The following RELN variants were observed in gnomAD, a reference collection of about 807,000 sequenced individuals.
RELN encodes the protein reelin.
RELN carries 108 observed loss-of-function variants against 427.6 expected under a neutral mutation model. The observed-to-expected ratio is 0.25, with a 90% CI of 0.22 to 0.30. The LOEUF is 0.30. RELN is among the 10% of genes least tolerant of loss of function. The pLI is 1.00. For missense variants in RELN, 3,715 were observed against 4,302.8 expected (o/e 0.86, Z 3.82); for synonymous variants, 1,524 against 1,513.4 (o/e 1.01, Z -0.16).
chr7:103,852,596 A>T (rs1450550505), intron 2 of RELN, among the ~76,000 whole-genome samples: 1 of 152,116 alleles, frequency 6.6e-6, no homozygotes, highest in Non-Finnish European at 1.5e-5. Context: ...ATTTCTATCT[A>T]TGTCCTTAAT....
At chr7:103,885,640 T>A (rs1794710810) in intron 2 of RELN, among the ~76,000 whole-genome samples, 1 of 152,120 alleles carries the variant, frequency 6.6e-6, no homozygotes, top group Admixed American at 6.6e-5. Context: ...GTAATGTAGA[T>A]GACGGGTTGA....
intron 4 of RELN, among the ~76,000 whole-genome samples, chr7:103,754,934 G>A (rs971307724): frequency 6.6e-6 from 1 of 151,960 alleles, no homozygotes; most frequent in Admixed American, 6.6e-5. Context: ...TGAAGGAGAG[G>A]CCAAAATAAT....
chr7:103,490,861 T>TTGTAAGAGAAACATATAATCTGTTAA, intron 58 of RELN, 32 bp from the exon 59 acceptor site: 1 of 1,612,400 alleles, frequency 6.2e-7, no homozygotes, highest in African/African-American at 1.3e-5. Context: ...GTTAGACAAA[T>TTGTAAGAGAAACATATAATCTGTTAA]TGTAAGAGAA....
chr7:103,888,141 C>A (rs1191493126), intron 2 of RELN, among the ~76,000 whole-genome samples: 1 of 151,974 alleles, frequency 6.6e-6, no homozygotes, highest in Non-Finnish European at 1.5e-5. Flanking sequence ...CAGTCTGTCT[C>A]AAAAATTTAT....
rs558024670 is a variant in RELN, at chr7:103,661,486, G to A, written c.1331C>T (p.Thr444Met). 38 of 1,613,200 alleles carry A rather than the reference G, an allele frequency of 2.4e-5. No homozygotes were observed. Among genetic ancestry groups the A allele is most frequent in the Middle Eastern group, 1.6e-4 (1 of 6,080 alleles). The change falls in exon 12 of 65, where the codon ACG becomes ATG. Residue 444 changes from threonine to methionine, a missense_variant. Thr to Met is a moderately conservative substitution (Grantham distance 81). This residue lies in a region of RELN where 2,208 missense variants were observed against 2,361.7 expected (regional missense o/e 0.93). Coordinates refer to ENST00000428762, the MANE Select transcript of RELN (RefSeq NM_005045.4). ...LGAVIGTECG[T>M]IESGLSMVFL... is the part of the protein sequence containing the mutation. The stretch of plus-strand genomic sequence containing the variant: ...GACCATTGATAAGCCTGATTCTATC[G>A]TTCCACATTCTGTACCAATGACAGC...
At chr7:103,546,002 C>T (rs1830288309) in intron 41 of RELN, among the ~76,000 whole-genome samples, 2 of 152,216 alleles carry the variant, frequency 1.3e-5, no homozygotes, top group African/African-American at 2.4e-5. Flanking sequence ...AAAATTCACA[C>T]AACATAAGAT....
intron 2 of RELN, among the ~76,000 whole-genome samples, chr7:103,851,351 G>A (rs370093608): frequency 5.6e-4 from 86 of 152,216 alleles, no homozygotes; most frequent in African/African-American, 2.0e-3. Context: ...GTGGGAGGAG[G>A]TAAGGGATAA....
At position 103,673,020 on chromosome 7, in the gene RELN, G is replaced by C. The variant is rs372763964; in HGVS notation, c.1289+9096C>G. ...ACTTTCTATTTCTTTGGTTATGTTA[G>C]TTTAAGTCTCTCATAAGGGCAAATA... On this transcript the variant is annotated intron_variant, in intron 11 of 64. Coordinates refer to ENST00000428762, the MANE Select transcript of RELN (RefSeq NM_005045.4). Among the ~76,000 whole-genome samples the C allele has an allele frequency of 2.4e-4, 37 of 152,044 alleles. 1 individual carries two copies. Among genetic ancestry groups the C allele is most frequent in the African/African-American group, 8.4e-4 (35 of 41,486 alleles).
Position 103,682,200 on chromosome 7 carries a change from T to C in RELN, c.1205A>G (p.Asn402Ser), listed in dbSNP as rs771900945. 1.2e-6 allele frequency: 2 copies of C among 1,614,054 alleles called. No homozygotes were observed. Among genetic ancestry groups the C allele is most frequent in the Non-Finnish European group, 1.7e-6 (2 of 1,179,954 alleles). Residue 402 changes from asparagine to serine, a missense_variant, in exon 11 of 65, where the codon AAT becomes AGT. Physicochemically the swap from Asn to Ser is conservative, Grantham distance 46 (BLOSUM62 1). This residue lies in a region of RELN where 2,208 missense variants were observed against 2,361.7 expected (regional missense o/e 0.93). Coordinates refer to ENST00000428762, the MANE Select transcript of RELN (RefSeq NM_005045.4). ...YFHGNEGSEFNFATTRDVDLS... is the reference protein window; with the variant it reads ...YFHGNEGSEFSFATTRDVDLS... ...ATCTACATCCCTGGTGGTGGCAAAA[T>C]TGAACTCGCTGCCTTCATTTCCATG...
intron 1 of RELN, among the ~76,000 whole-genome samples, chr7:103,944,225 A>G (rs1796174399): frequency 1.3e-5 from 2 of 152,218 alleles, no homozygotes; most frequent in Non-Finnish European, 2.9e-5. Context: ...GAATAAGAAT[A>G]AATCATAAGA....
At chr7:103,752,173 C>T (rs1020234781) in intron 5 of RELN, among the ~76,000 whole-genome samples, 10 of 152,130 alleles carry the variant, frequency 6.6e-5, no homozygotes, top group African/African-American at 2.4e-4. Flanking sequence ...GAGATAGATA[C>T]TATTATTAAT....
At chr7:103,730,979 G>A (rs764982186) in intron 6 of RELN, among the ~76,000 whole-genome samples, 1 of 152,006 alleles carries the variant, frequency 6.6e-6, no homozygotes, top group African/African-American at 2.4e-5. Context: ...CTGATACAAG[G>A]ACCAATGAAA....
chr7:103,741,338 T>C (rs1790649343), intron 6 of RELN, among the ~76,000 whole-genome samples: 1 of 152,076 alleles, frequency 6.6e-6, no homozygotes, highest in Non-Finnish European at 1.5e-5. Context: ...ATGATGTTGC[T>C]GTAATGCTAT....
intron 16 of RELN, among the ~76,000 whole-genome samples, chr7:103,641,698 C>A (rs1832697095): frequency 6.6e-6 from 1 of 152,084 alleles, no homozygotes; most frequent in African/African-American, 2.4e-5. Flanking sequence ...AGCATGGTAC[C>A]CAGCACTACA....
At chr7:103,515,054 G>C (rs970822040) in intron 50 of RELN, 131 bp downstream of exon 50, 1 of 1,127,142 alleles carries the variant, frequency 8.9e-7, no homozygotes, top group African/African-American at 1.5e-5. Flanking sequence ...ACAAAAGGAT[G>C]ACACCCTTTT....
intron 2 of RELN, among the ~76,000 whole-genome samples, chr7:103,856,854 TATGTACTTTTA>T (rs576784702): frequency 5.7e-4 from 87 of 152,258 alleles, no homozygotes; most frequent in African/African-American, 1.9e-3. Flanking sequence ...TTTGTCGATT[TATGTACTTTTA>T]ATTTGAATAT....
At chr7:103,529,880 G>C (rs1215695845) in intron 46 of RELN, among the ~76,000 whole-genome samples, 1 of 152,112 alleles carries the variant, frequency 6.6e-6, no homozygotes, top group Non-Finnish European at 1.5e-5. Flanking sequence ...TATAGTTTAT[G>C]TCATTGAAGG....
chr7:103,540,531 G>C lies in RELN; in HGVS notation c.6672-76C>G, dbSNP rs1377863852. 5.0e-6 allele frequency: 7 copies of C among 1,389,798 alleles called. No individual in the cohort carries two copies. The Admixed American group carries it at 1.2e-4, about 23-fold the overall frequency. 86.1% of individuals were successfully genotyped at this position (1,389,798 alleles called of 1,614,324 possible). A position where few individuals can be genotyped will look rare whatever the true frequency, so the allele number is the denominator to read the frequency against. On this transcript the variant is annotated intron_variant, in intron 43 of 64. Coordinates refer to ENST00000428762, the MANE Select transcript of RELN (RefSeq NM_005045.4). Reference sequence around the variant, plus strand: ...ATGCTTAACAACAGACAAGCACATGGGGTAATGCAGGGGAACGAAAGGCCT... The same window carrying C: ...ATGCTTAACAACAGACAAGCACATGCGGTAATGCAGGGGAACGAAAGGCCT...
chr7:103,566,561 C>T (rs546125693), intron 32 of RELN, 40 bp downstream of exon 32: 3 of 1,613,088 alleles, frequency 1.9e-6, no homozygotes, highest in Non-Finnish European at 2.5e-6. Flanking sequence ...TACTTCATGA[C>T]CTAAAAGCTA....
Sources: gnomAD v4.1 joint callset for allele counts (sites outside exome capture counted in the v4.1 genomes callset) on GRCh38, gnomAD v4.1.1 for gene constraint, gnomAD v4.1.1 regional missense constraint, MANE v1.5 for transcripts, NCBI Gene and HGNC (gene_info 2026-07-23, HGNC 2026-07-21) for gene names.